The following RNF220 variants were observed in gnomAD, a reference collection of about 807,000 sequenced individuals.
RNF220 encodes E3 ubiquitin-protein ligase RNF220.
In RNF220, 7 loss-of-function variants were observed where a neutral mutation model predicts 67.1. The observed-to-expected ratio is 0.10, with a 90% confidence interval of 0.06 to 0.20. RNF220 has a LOEUF of 0.20. Among genes scored for constraint, RNF220 ranks in the 10% least tolerant of loss-of-function variants. The probability of loss-of-function intolerance (pLI) is 1.00; values close to 1 mark genes in which losing one functional copy is unlikely to be tolerated. For synonymous variants in RNF220, 270 were observed against 283.2 expected (o/e 0.95, Z 0.47); for missense variants, 565 against 740.3 (o/e 0.76, Z 2.75).
intron 2 of RNF220, among the ~76,000 whole-genome samples, chr1:44,589,066 T>C (rs1342480970): frequency 6.6e-6 from 1 of 152,232 alleles, no homozygotes; most frequent in Non-Finnish European, 1.5e-5. Context: ...TTCTCCTTTC[T>C]GACTTGCCTG....
chr1:44,573,767 C>T (rs139380656), intron 2 of RNF220, among the ~76,000 whole-genome samples: 1 of 152,334 alleles, frequency 6.6e-6, no homozygotes, highest in East Asian at 1.9e-4. Context: ...CCTTGCTTAC[C>T]TCTCTGGAAT....
chr1:44,543,777 T>A (rs1170555787), intron 2 of RNF220, among the ~76,000 whole-genome samples: 1 of 152,046 alleles, frequency 6.6e-6, no homozygotes, highest in Non-Finnish European at 1.5e-5. Flanking sequence ...TATCTGGCTG[T>A]GGGGGGAGAT....
intron 3 of RNF220, among the ~76,000 whole-genome samples, chr1:44,618,877 C>T (rs1643671830): frequency 6.6e-6 from 1 of 152,112 alleles, no homozygotes; most frequent in Admixed American, 6.6e-5. Context: ...GAAGAAGCCA[C>T]AGGACTTAGT....
chr1:44,504,923 A>G (rs528116683), intron 2 of RNF220, among the ~76,000 whole-genome samples: 41 of 152,238 alleles, frequency 2.7e-4, no homozygotes, highest in African/African-American at 8.9e-4. Flanking sequence ...GATTGATGCA[A>G]CCACATCACT....
At chr1:44,533,400 G>A (rs1288750183) in intron 2 of RNF220, among the ~76,000 whole-genome samples, 1 of 152,126 alleles carries the variant, frequency 6.6e-6, no homozygotes, top group Non-Finnish European at 1.5e-5. Context: ...GCTGAGGCAG[G>A]AGGATTGCTT....
At chr1:44,617,838 T>A (rs1463596845) in intron 3 of RNF220, among the ~76,000 whole-genome samples, 3 of 152,104 alleles carry the variant, frequency 2.0e-5, no homozygotes, top group African/African-American at 7.2e-5. Context: ...AAGGCACATC[T>A]TTGGAGGCTT....
At chr1:44,428,150 A>C (rs1342037288) in intron 2 of RNF220, among the ~76,000 whole-genome samples, 1 of 152,198 alleles carries the variant, frequency 6.6e-6, no homozygotes, top group African/African-American at 2.4e-5. Flanking sequence ...CCGAAAAGGC[A>C]CAGAGTGGAA....
chr1:44,541,918 A>G (rs1661704141), intron 2 of RNF220, among the ~76,000 whole-genome samples: 2 of 152,166 alleles, frequency 1.3e-5, no homozygotes, highest in African/African-American at 4.8e-5. Context: ...CTTAAGAAAA[A>G]TTTTAACTTC....
intron 4 of RNF220, among the ~76,000 whole-genome samples, chr1:44,625,921 G>A (rs901248094): frequency 6.6e-5 from 10 of 152,244 alleles, no homozygotes; most frequent in Admixed American, 5.9e-4. Flanking sequence ...TTAAGGGCAG[G>A]CGGGGTAGCG....
intron 2 of RNF220, among the ~76,000 whole-genome samples, chr1:44,503,977 G>A (rs376816936): frequency 1.6e-4 from 25 of 152,278 alleles, no homozygotes; most frequent in East Asian, 1.2e-3. Context: ...AGCCTCCTGA[G>A]TAGCTGGGAC....
intron 5 of RNF220, among the ~76,000 whole-genome samples, chr1:44,630,155 C>T (rs1349434611): frequency 6.6e-6 from 1 of 152,174 alleles, no homozygotes; most frequent in Non-Finnish European, 1.5e-5. Context: ...CCAGGCTGGT[C>T]TTGAACTCCT....
At chr1:44,437,619 G>C (rs527427468) in intron 2 of RNF220, among the ~76,000 whole-genome samples, 7 of 152,216 alleles carry the variant, frequency 4.6e-5, no homozygotes, top group Admixed American at 3.9e-4. Context: ...ACAAGCTGTC[G>C]ATATCCAGGG....
At chr1:44,491,691 T>C (rs1022285309) in intron 2 of RNF220, among the ~76,000 whole-genome samples, 1 of 151,692 alleles carries the variant, frequency 6.6e-6, no homozygotes, top group African/African-American at 2.4e-5. Flanking sequence ...TGAGACAAGG[T>C]CTCACTCTGT....
chr1:44,500,391 G>A (rs145719698), intron 2 of RNF220, among the ~76,000 whole-genome samples: 146 of 152,122 alleles, frequency 9.6e-4, no homozygotes, highest in African/African-American at 3.2e-3. Context: ...ACACACCCCC[G>A]CTGCCACCCG....
chr1:44,555,021 C>T (rs1234806004), intron 2 of RNF220, among the ~76,000 whole-genome samples: 1 of 152,182 alleles, frequency 6.6e-6, no homozygotes, highest in Non-Finnish European at 1.5e-5. Flanking sequence ...TAACTTTCTT[C>T]AATGGCTCAT....
chr1:44,631,963 T>C (rs1644143882), intron 5 of RNF220: 1 of 993,178 alleles, frequency 1.0e-6, no homozygotes, highest in South Asian at 4.7e-5. Flanking sequence ...GCAGATCACG[T>C]GATTAGGGCC....
At chr1:44,420,261 G>A (rs1649061341) in intron 2 of RNF220, among the ~76,000 whole-genome samples, 1 of 152,222 alleles carries the variant, frequency 6.6e-6, no homozygotes, top group African/African-American at 2.4e-5. Context: ...GAGTGAAGAA[G>A]GAACCTTTTG....
rs1486947370 is a variant in RNF220 at position 44,632,481 on chromosome 1, C to T, written c.949+96C>T. 1.1e-5 allele frequency: 13 copies of T among 1,205,510 alleles called. No homozygotes were observed. In the East Asian group the frequency reaches 3.4e-4, roughly 31 times the overall value. The allele number at this position is 1,205,510 out of a possible 1,614,324, so 74.7% of individuals were successfully genotyped here. On this transcript the variant is annotated intron_variant, in intron 6 of 14. Coordinates refer to ENST00000361799, the MANE Select transcript of RNF220 (RefSeq NM_018150.4). ...TCCTGGCTTGCCTGGGTCTCTTCGA[C>T]TCTGGGGCCCGTTGGCTTCTTCGCA...
At chr1:44,473,079 A>G (rs1654963980) in intron 2 of RNF220, among the ~76,000 whole-genome samples, 1 of 152,056 alleles carries the variant, frequency 6.6e-6, no homozygotes, top group African/African-American at 2.4e-5. Context: ...CTGGGACTAC[A>G]CTAGGCAGGG....
Sources: gnomAD v4.1 joint callset for allele counts (sites outside exome capture counted in the v4.1 genomes callset) on GRCh38, gnomAD v4.1.1 for gene constraint, MANE v1.5 for transcripts, NCBI Gene and HGNC (gene_info 2026-07-23, HGNC 2026-07-21) for gene names.